Variants in PARD6G observed in about 807,000 individuals in gnomAD.
The protein encoded by PARD6G is par-6 family cell polarity regulator gamma, also known as partitioning defective 6 homolog gamma.
Under a neutral mutation model 10.7 loss-of-function variants are expected in PARD6G, and 7 were observed. The ratio of observed to expected loss-of-function variants is 0.66; its 90% CI spans 0.37 to 1.23. PARD6G has a LOEUF of 1.23. Among genes scored for constraint, PARD6G ranks in the 50% most tolerant of loss-of-function variants. The pLI, the probability that PARD6G is intolerant of heterozygous loss-of-function variation, is 0.02. For synonymous variants in PARD6G, 287 were observed against 269.4 expected (o/e 1.07, Z -0.64); for missense variants, 548 against 571.8 (o/e 0.96, Z 0.42).
intron 2 of PARD6G, among the ~76,000 whole-genome samples, chr18:80,194,536 A>T (rs776686944): frequency 3.3e-5 from 5 of 152,138 alleles, no homozygotes; most frequent in Non-Finnish European, 5.9e-5. Context: ...AACATTCTAA[A>T]TGTTCTCAGG....
At position 80,160,453 on chromosome 18, in the gene PARD6G, T is replaced by C; in HGVS notation, c.449A>G (p.Asp150Gly). The change falls in exon 3 of 3, where the codon GAC (aspartate) becomes GGC (glycine). Residue 150 changes from aspartate to glycine, a missense_variant. Around this residue, in one of 2 missense-constraint regions of PARD6G, gnomAD observed 235 missense variants for 291.9 expected, o/e 0.81. Transcript: ENST00000353265. Reference protein sequence around the residue: ...FRPVSSIIDVDLVPETHRRVR... With the variant: ...FRPVSSIIDVGLVPETHRRVR... ...TCGCCGGTGCGTCTCGGGGACCAGG[T>C]CCACATCGATGATGGATGATACGGG... 6.3e-7 allele frequency: 1 copy of C among 1,576,296 alleles called. No homozygotes were observed. The highest frequency in any genetic ancestry group is 8.6e-7 in the Non-Finnish European group (1 of 1,160,972).
Position 80,231,908 on chromosome 18 carries a change from A to T in PARD6G, c.72+15369T>A, listed in dbSNP as rs1350908915. ...ATGTATGGAGTTATAATAGCACAGG[A>T]TAGTAAGCCTGTTTTGGGCTCACAC... On this transcript the variant is annotated intron_variant, in intron 1 of 2. Coordinates refer to ENST00000353265, the MANE Select transcript of PARD6G (RefSeq NM_032510.4). This position sits in a 1 kb window ranked among gnomAD's most constrained non-coding sequence, Gnocchi z 4.2. 1.3e-5 allele frequency among the ~76,000 whole-genome samples: 2 copies of T among 152,152 alleles called. No homozygotes were observed. Among genetic ancestry groups the T allele is most frequent in the East Asian group, 3.8e-4 (2 of 5,196 alleles).
intron 1 of PARD6G, among the ~76,000 whole-genome samples, chr18:80,214,423 A>G (rs1967140996): frequency 6.6e-6 from 1 of 152,144 alleles, no homozygotes; most frequent in Non-Finnish European, 1.5e-5. Context: ...CTGAGATCAC[A>G]CTACTGTACT....
chr18:80,209,077 G>A (rs756080894), intron 1 of PARD6G, among the ~76,000 whole-genome samples: 2 of 151,604 alleles, frequency 1.3e-5, no homozygotes, highest in Admixed American at 6.6e-5. Context: ...TCCAGCTTGA[G>A]TAACAGAGTG....
rs1460812123 is a variant in PARD6G, at chr18:80,189,813, T to C, written c.295+12897A>G. Among the ~76,000 whole-genome samples the C allele has an allele frequency of 2.0e-5, 3 of 152,326 alleles. No individual in the cohort carries two copies. The highest frequency in any genetic ancestry group is 3.4e-3 in the Middle Eastern group (1 of 294). ...CTCGATCAGTTTTTAAACACCTAGA[T>C]AGAGGCTCAAAGGCAAATGAAATAC... On this transcript the variant is annotated intron_variant, in intron 2 of 2. Transcript: ENST00000353265. The surrounding 1 kb of genome is among the most constrained non-coding windows in gnomAD (Gnocchi z 5.5).
Position 80,161,172 on chromosome 18 carries a change from TAGC to T in PARD6G, c.296-569_296-567del, listed in dbSNP as rs2052698737. ...GTGAGCATTTCCCTGCGTTTTTGGT[TAGC>T]AGCTGATGAGGGGAGATGAGTAGAG... On this transcript the variant is annotated intron_variant, in intron 2 of 2. Transcript: ENST00000353265. The surrounding 1 kb of genome is among the most constrained non-coding windows in gnomAD (Gnocchi z 4.6). Among the ~76,000 whole-genome samples, 3 of 152,178 alleles carry T rather than the reference TAGC, an allele frequency of 2.0e-5. No homozygotes were observed. The highest frequency in any genetic ancestry group is 7.2e-5 in the African/African-American group (3 of 41,442).
chr18:80,224,573 T>A (rs77033999), intron 1 of PARD6G, among the ~76,000 whole-genome samples: 4 of 152,072 alleles, frequency 2.6e-5, no homozygotes, highest in Admixed American at 6.5e-5. Flanking sequence ...CAAGGCCGGG[T>A]GCGGTGGCTC....
intron 2 of PARD6G, among the ~76,000 whole-genome samples, chr18:80,179,304 G>C (rs964474022): frequency 1.3e-5 from 2 of 151,676 alleles, no homozygotes; most frequent in African/African-American, 4.8e-5. Context: ...GGTGAGCCTC[G>C]GTGAAGAAGC....
chr18:80,194,146 T>C (rs2145273919), intron 2 of PARD6G, among the ~76,000 whole-genome samples: 1 of 152,326 alleles, frequency 6.6e-6, no homozygotes, highest in East Asian at 1.9e-4. Flanking sequence ...TACAACGAGC[T>C]ACTTTTCATT....
rs1322643267 is a variant in PARD6G at position 80,228,137 on chromosome 18, C to T, written c.72+19140G>A. On this transcript the variant is annotated intron_variant, in intron 1 of 2. Coordinates refer to ENST00000353265, the MANE Select transcript of PARD6G (RefSeq NM_032510.4). This position sits in a 1 kb window ranked among gnomAD's most constrained non-coding sequence, Gnocchi z 4.6. ...GACAGGTGACCAGCGTGAGGCAGGCCCCACCTTTGTTCATCTGAGGAGTGG... is the reference window on the plus strand; with the variant it reads ...GACAGGTGACCAGCGTGAGGCAGGCTCCACCTTTGTTCATCTGAGGAGTGG... 1.3e-5 allele frequency among the ~76,000 whole-genome samples: 2 copies of T among 152,144 alleles called. No homozygotes were observed. Among genetic ancestry groups the T allele is most frequent in the Non-Finnish European group, 2.9e-5 (2 of 68,032 alleles).
intron 1 of PARD6G, among the ~76,000 whole-genome samples, chr18:80,227,390 C>T (rs937323625): frequency 3.9e-5 from 6 of 152,224 alleles, no homozygotes; most frequent in Admixed American, 3.3e-4. Context: ...CAATGAGTCC[C>T]ACCAGTCCGG....
At chr18:80,166,144 T>G (rs1325078024) in intron 2 of PARD6G, among the ~76,000 whole-genome samples, 1 of 152,130 alleles carries the variant, frequency 6.6e-6, no homozygotes, top group African/African-American at 2.4e-5. Flanking sequence ...CATTTGGACC[T>G]GTAAACAAAT....
At chr18:80,230,429 T>G (rs948031050) in intron 1 of PARD6G, among the ~76,000 whole-genome samples, 7 of 152,208 alleles carry the variant, frequency 4.6e-5, no homozygotes, top group African/African-American at 1.7e-4. Flanking sequence ...AATGACTTCT[T>G]GGGCTGACAC....
chr18:80,225,162 C>A (rs531724593), intron 1 of PARD6G, among the ~76,000 whole-genome samples: 1 of 152,178 alleles, frequency 6.6e-6, no homozygotes, highest in Non-Finnish European at 1.5e-5. Context: ...AGTCTACGCA[C>A]GAAGCAGCCA....
chr18:80,227,416 A>G (rs888278905), intron 1 of PARD6G, among the ~76,000 whole-genome samples: 1 of 152,196 alleles, frequency 6.6e-6, no homozygotes, highest in Non-Finnish European at 1.5e-5. Flanking sequence ...TGGACATTGC[A>G]TTTGCCATAA....
At chr18:80,160,717 G>T (rs993354894) in intron 2 of PARD6G, 111 bp from the exon 3 acceptor site, 3 of 1,403,304 alleles carry the variant, frequency 2.1e-6, no homozygotes, top group Admixed American at 3.2e-5. Flanking sequence ...AAGCACCCAG[G>T]GTGCACAGGA....
chr18:80,220,672 A>G (rs1967218930), intron 1 of PARD6G, among the ~76,000 whole-genome samples: 1 of 151,652 alleles, frequency 6.6e-6, no homozygotes, highest in Non-Finnish European at 1.5e-5. Flanking sequence ...GTGCAGTGGC[A>G]TAATCTTGGT....
chr18:80,198,169 A>C (rs1292173898), intron 2 of PARD6G, among the ~76,000 whole-genome samples: 1 of 152,204 alleles, frequency 6.6e-6, no homozygotes, highest in African/African-American at 2.4e-5. Flanking sequence ...AGGAGAATGA[A>C]AAACAAGTCA....
intron 1 of PARD6G, among the ~76,000 whole-genome samples, chr18:80,208,527 C>T (rs1372241093): frequency 6.6e-6 from 1 of 152,132 alleles, no homozygotes; most frequent in Non-Finnish European, 1.5e-5. Flanking sequence ...CCTACTATCC[C>T]GCACATAAAA....
Sources: allele counts gnomAD v4.1 joint callset (sites outside exome capture counted in the v4.1 genomes callset), GRCh38; gene constraint gnomAD v4.1.1; regional missense constraint gnomAD v4.1.1; non-coding constraint Gnocchi (gnomAD v3.1); transcripts MANE v1.5; gene names NCBI Gene and HGNC (gene_info 2026-07-23, HGNC 2026-07-21).